The following TCP11L2 variants were observed in gnomAD, a reference collection of about 807,000 sequenced individuals.
TCP11L2 encodes T-complex protein 11-like protein 2.
Under a neutral mutation model 50.7 loss-of-function variants are expected in TCP11L2, and 39 were observed. The ratio of observed to expected loss-of-function variants is 0.77; its 90% confidence interval spans 0.60 to 1.01. TCP11L2 has a LOEUF of 1.01. Ranked by LOEUF, TCP11L2 falls within the 50% of genes least tolerant of loss-of-function variation. The pLI is 0.00. For missense variants in TCP11L2, 612 were observed against 614.7 expected (o/e 1.00, Z 0.05); for synonymous variants, 192 against 219.3 (o/e 0.88, Z 1.10).
intron 5 of TCP11L2, among the ~76,000 whole-genome samples, 162 bp from the exon 6 acceptor site, chr12:106,323,348 C>T (rs1459635792): frequency 1.3e-5 from 2 of 152,118 alleles, no homozygotes; most frequent in African/African-American, 2.4e-5. Context: ...TTGCAGTACA[C>T]GTGTATGAGC....
At chr12:106,303,368 T>A (rs537541591) in intron 1 of TCP11L2, 1 of 152,142 alleles carries the variant, frequency 6.6e-6, no homozygotes, top group East Asian at 1.9e-4. Flanking sequence ...CCCGGCAGCG[T>A]GTGTTTGGGA....
At chr12:106,312,518 GT>G in intron 2 of TCP11L2, 1 of 741,854 alleles carries the variant, frequency 1.3e-6, no homozygotes, top group South Asian at 3.8e-5. Context: ...CTGAAGAAGG[GT>G]TTTACCAATT....
chr12:106,345,113 G>A (rs1241718952), intron 9 of TCP11L2, among the ~76,000 whole-genome samples: 1 of 152,110 alleles, frequency 6.6e-6, no homozygotes, highest in Non-Finnish European at 1.5e-5. Flanking sequence ...TCTCAACTCA[G>A]CCTCCTAAGT....
At chr12:106,321,246 T>C (rs2035322975) in intron 4 of TCP11L2, among the ~76,000 whole-genome samples, 1 of 152,234 alleles carries the variant, frequency 6.6e-6, no homozygotes, top group Non-Finnish European at 1.5e-5. Flanking sequence ...GCTGTTTTTA[T>C]TCTGACAGGA....
intron 4 of TCP11L2, 44 bp downstream of exon 4, chr12:106,318,508 G>A: frequency 6.2e-7 from 1 of 1,607,410 alleles, no homozygotes; most frequent in South Asian, 1.1e-5. Context: ...CTTACTCCAG[G>A]TGGGCTGCTA....
intron 8 of TCP11L2, among the ~76,000 whole-genome samples, chr12:106,336,980 T>C (rs886874781): frequency 6.6e-6 from 1 of 152,218 alleles, no homozygotes; most frequent in African/African-American, 2.4e-5. Flanking sequence ...TTTTGGTTTT[T>C]GCTAAATTTA....
intron 1 of TCP11L2, chr12:106,304,105 T>C (rs1446741437): frequency 6.6e-6 from 1 of 152,322 alleles, no homozygotes; most frequent in Non-Finnish European, 1.5e-5. Context: ...ATTTCATGCA[T>C]CACCCTGACA....
intron 8 of TCP11L2, among the ~76,000 whole-genome samples, chr12:106,340,080 G>C (rs924829792): frequency 1.3e-5 from 2 of 152,072 alleles, no homozygotes; most frequent in African/African-American, 4.8e-5. Flanking sequence ...TCCTATCATT[G>C]AGCCCTTCTC....
intron 8 of TCP11L2, among the ~76,000 whole-genome samples, chr12:106,338,514 A>G (rs1362965187): frequency 6.6e-6 from 1 of 152,216 alleles, no homozygotes; most frequent in East Asian, 1.9e-4. Context: ...TTACAGCTGT[A>G]TAGTATTCCA....
upstream of TCP11L2, among the ~76,000 whole-genome samples, chr12:106,301,222 C>T (rs1274683504): frequency 6.6e-6 from 1 of 152,046 alleles, no homozygotes; most frequent in African/African-American, 2.4e-5. Flanking sequence ...ATCTCTTAAC[C>T]TGTATTATTA....
At position 106,322,180 on chromosome 12, in the gene TCP11L2, A is replaced by G. The variant is rs145039874; in HGVS notation, c.635+474A>G. Among the ~76,000 whole-genome samples the G allele has an allele frequency of 2.9e-3, 446 of 152,284 alleles. 2 individuals are homozygous for G. The highest frequency in any genetic ancestry group is 0.01 in the African/African-American group (424 of 41,548). Reference sequence around the variant, plus strand: ...AGTTTGTTTCTCATGTCACAGTCCAATTCAGGGGTCCTTGATCAGACAACC... The same window carrying G: ...AGTTTGTTTCTCATGTCACAGTCCAGTTCAGGGGTCCTTGATCAGACAACC... On this transcript the variant is annotated intron_variant, in intron 5 of 9. Coordinates refer to ENST00000299045, the MANE Select transcript of TCP11L2 (RefSeq NM_152772.3).
At position 106,346,315 on chromosome 12, in the gene TCP11L2, C is replaced by G. The variant is rs755832784; in HGVS notation, c.1345C>G (p.Leu449Val). 2.5e-6 allele frequency: 4 copies of G among 1,612,698 alleles called. No homozygotes were observed. Among genetic ancestry groups the G allele is most frequent in the Non-Finnish European group, 2.5e-6 (3 of 1,179,170 alleles). The stretch of plus-strand genomic sequence containing the variant: ...ACGAATTAAGCTTTACATGAGAAGG[C>G]TACTTTGTCTTCCAAGCCCTCAAAA... ...DKRIKLYMRRLLCLPSPQKCM... is the reference protein window; with the variant it reads ...DKRIKLYMRRVLCLPSPQKCM... Residue 449 changes from leucine to valine, a missense_variant, in exon 10 of 10, where the codon CTA becomes GTA. Coordinates refer to ENST00000299045, the MANE Select transcript of TCP11L2 (RefSeq NM_152772.3).
In TCP11L2 at chr12:106,339,904, A is replaced by T. The variant is rs935242851; in HGVS notation, c.1143-922A>T. ...AACTTATTTCTTATTGCTGTTAATG[A>T]TGATAAACATGATAACCTATTTTTC... On this transcript the variant is annotated intron_variant, in intron 8 of 9. Transcript: ENST00000299045. Among the ~76,000 whole-genome samples the T allele has an allele frequency of 3.9e-5, 6 of 152,266 alleles. No homozygotes were observed. In the East Asian group the frequency reaches 9.6e-4, roughly 24 times the overall value.
At position 106,311,044 on chromosome 12, in the gene TCP11L2, CTACCTTTT is replaced by C; in HGVS notation, c.-27_-20del. ...CAGGGTCTGTTTGTCTGTGCAGGTGCTACCTTTTTACCCACACTTAAGTGACGCAAAAT... is the reference window on the plus strand; with the variant it reads ...CAGGGTCTGTTTGTCTGTGCAGGTGCTACCCACACTTAAGTGACGCAAAAT... On this transcript the variant is annotated 5_prime_UTR_variant, in exon 2 of 10. Transcript: ENST00000299045. 1 of 1,610,624 alleles carries C rather than the reference CTACCTTTT, an allele frequency of 6.2e-7. No homozygotes were observed. Among genetic ancestry groups the C allele is most frequent in the Non-Finnish European group, 8.5e-7 (1 of 1,178,078 alleles).
At chr12:106,333,701 A>C (rs1228313061) in intron 6 of TCP11L2, among the ~76,000 whole-genome samples, 1 of 152,190 alleles carries the variant, frequency 6.6e-6, no homozygotes, top group Non-Finnish European at 1.5e-5. Context: ...AAGGTAAACA[A>C]ATACTAAAAA....
chr12:106,345,307 A>G (rs146638703), intron 9 of TCP11L2, among the ~76,000 whole-genome samples: 97 of 152,164 alleles, frequency 6.4e-4, no homozygotes, highest in African/African-American at 2.2e-3. Context: ...CATGTAATTT[A>G]TTGTTCAACC....
intron 1 of TCP11L2, 27 bp from the exon 2 acceptor site, chr12:106,311,014 T>G (rs956493795): frequency 1.9e-6 from 3 of 1,568,282 alleles, no homozygotes; most frequent in African/African-American, 2.7e-5. Flanking sequence ...CACAGAACAT[T>G]GACGCAGGGT....
At chr12:106,325,881 A>C (rs2035520283) in intron 6 of TCP11L2, 1 of 121,658 alleles carries the variant, frequency 8.2e-6, no homozygotes. Context: ...GCTGAGCAAG[A>C]CTCCGTCTCG....
upstream of TCP11L2, among the ~76,000 whole-genome samples, chr12:106,302,319 T>TCC (rs1186487716): frequency 1.1e-3 from 14 of 12,262 alleles, no homozygotes; most frequent in South Asian, 3.3e-3. Context: ...CAGCCCCCGC[T>TCC]CCCCCCGCTC....
Sources: gnomAD v4.1 joint callset for allele counts (sites outside exome capture counted in the v4.1 genomes callset) on GRCh38, gnomAD v4.1.1 for gene constraint, MANE v1.5 for transcripts, NCBI Gene and HGNC (gene_info 2026-07-23, HGNC 2026-07-21) for gene names.